The following CARMIL1 variants were observed in gnomAD, a reference collection of about 807,000 sequenced individuals.
CARMIL1 encodes the protein capping protein regulator and myosin 1 linker 1.
A neutral mutation model predicts 177.1 loss-of-function variants in CARMIL1; 90 were observed. That is an observed-to-expected ratio of 0.51 (90% CI 0.43 to 0.61). The LOEUF (loss-of-function observed/expected upper bound fraction) is 0.61. Ranked by LOEUF, CARMIL1 falls within the 20% of genes least tolerant of loss-of-function variation. The probability of loss-of-function intolerance (pLI) is 0.00; values close to 1 mark genes in which losing one functional copy is unlikely to be tolerated. For missense variants in CARMIL1, 1,380 were observed against 1,667.0 expected (o/e 0.83, Z 3.00); for synonymous variants, 577 against 606.2 (o/e 0.95, Z 0.71).
chr6:25,586,631 C>T (rs1220466289), intron 31 of CARMIL1, among the ~76,000 whole-genome samples: 6 of 151,934 alleles, frequency 3.9e-5, no homozygotes, highest in African/African-American at 1.5e-4. Context: ...TGTAGCGAGC[C>T]GAGATCACGC....
chr6:25,536,856 C>T (rs1196598466), intron 24 of CARMIL1, among the ~76,000 whole-genome samples: 2 of 152,138 alleles, frequency 1.3e-5, no homozygotes, highest in Non-Finnish European at 2.9e-5. Context: ...TTGTTTGTCT[C>T]CTCTGCCAAA....
chr6:25,392,645 G>A (rs1792982755), intron 2 of CARMIL1, among the ~76,000 whole-genome samples: 1 of 152,168 alleles, frequency 6.6e-6, no homozygotes, highest in East Asian at 1.9e-4. Flanking sequence ...CATGTGAATG[G>A]ATGTCATGCT....
chr6:25,288,501 A>G (rs1269546435), intron 2 of CARMIL1, among the ~76,000 whole-genome samples: 31 of 124,332 alleles, frequency 2.5e-4, no homozygotes, highest in African/African-American at 9.3e-4. Flanking sequence ...TTTTTTCCGT[A>G]TGGAAAAAAT....
intron 29 of CARMIL1, among the ~76,000 whole-genome samples, chr6:25,578,710 T>C (rs985097785): frequency 3.9e-5 from 6 of 152,206 alleles, no homozygotes; most frequent in African/African-American, 1.4e-4. Flanking sequence ...ACAAATTCTA[T>C]TTTAGCAAAA....
chr6:25,422,769 C>A (rs913644965), intron 3 of CARMIL1, among the ~76,000 whole-genome samples: 1 of 152,068 alleles, frequency 6.6e-6, no homozygotes. Flanking sequence ...AATATGCATA[C>A]CCTAACATGT....
At chr6:25,499,307 T>C (rs1187508092) in intron 16 of CARMIL1, among the ~76,000 whole-genome samples, 2 of 152,252 alleles carry the variant, frequency 1.3e-5, no homozygotes, top group Admixed American at 6.5e-5. Flanking sequence ...GTTGGAGTTA[T>C]TGGCACACAT....
chr6:25,284,940 T>A, intron 2 of CARMIL1, 31 bp downstream of exon 2: 1 of 1,314,396 alleles, frequency 7.6e-7, no homozygotes, highest in Non-Finnish European at 1.1e-6. Flanking sequence ...TTATTAAATG[T>A]TTGGAAATGA....
chr6:25,421,713 C>G (rs1795871971), intron 3 of CARMIL1, among the ~76,000 whole-genome samples: 1 of 150,320 alleles, frequency 6.7e-6, no homozygotes, highest in South Asian at 2.2e-4. Flanking sequence ...AGTTCATGTC[C>G]TTTGTAGGGA....
intron 35 of CARMIL1, 23 bp downstream of exon 35, chr6:25,606,296 G>A: frequency 1.2e-6 from 2 of 1,605,036 alleles, no homozygotes; most frequent in South Asian, 1.1e-5. Context: ...CAGTTAGGGA[G>A]TTGCATTGTG....
chr6:25,457,787 G>A (rs998173954), intron 8 of CARMIL1, among the ~76,000 whole-genome samples: 10 of 152,166 alleles, frequency 6.6e-5, no homozygotes, highest in East Asian at 1.9e-4. Context: ...ATTTGTGAGA[G>A]GGAAATCTTC....
chr6:25,297,161 A>G (rs1020730504), intron 2 of CARMIL1, among the ~76,000 whole-genome samples: 29 of 152,200 alleles, frequency 1.9e-4, no homozygotes, highest in African/African-American at 7.0e-4. Context: ...GGACAGCACA[A>G]ATGTTGAAGT....
At chr6:25,350,837 A>G (rs949216826) in intron 2 of CARMIL1, 1 of 152,210 alleles carries the variant, frequency 6.6e-6, no homozygotes, top group African/African-American at 2.4e-5. Context: ...AATGATAGAC[A>G]GATATTAGCT....
At chr6:25,618,019 C>T (rs1424688733) in intron 36 of CARMIL1, among the ~76,000 whole-genome samples, 3 of 152,120 alleles carry the variant, frequency 2.0e-5, no homozygotes, top group African/African-American at 4.8e-5. Flanking sequence ...TAAGAAATTA[C>T]GTACTTTTAT....
intron 2 of CARMIL1, among the ~76,000 whole-genome samples, chr6:25,339,586 G>T (rs1355976679): frequency 6.6e-6 from 1 of 152,200 alleles, no homozygotes; most frequent in African/African-American, 2.4e-5. Context: ...TCTCCCAGCA[G>T]TGTGGCCTTA....
At chr6:25,597,713 G>A (rs113836103) in intron 32 of CARMIL1, among the ~76,000 whole-genome samples, 1 of 152,006 alleles carries the variant, frequency 6.6e-6, no homozygotes, top group Non-Finnish European at 1.5e-5. Flanking sequence ...CCTCGTCTCT[G>A]TGTCATTTTT....
chr6:25,394,250 G>A (rs1252400405), intron 2 of CARMIL1, among the ~76,000 whole-genome samples: 1 of 152,178 alleles, frequency 6.6e-6, no homozygotes, highest in Non-Finnish European at 1.5e-5. Context: ...TGATAGTGAT[G>A]GTTATGATGA....
intron 32 of CARMIL1, among the ~76,000 whole-genome samples, chr6:25,598,371 T>G (rs1386375209): frequency 6.6e-6 from 1 of 152,042 alleles, no homozygotes; most frequent in African/African-American, 2.4e-5. Context: ...CTTGATTAGC[T>G]GGGACTACAG....
intron 2 of CARMIL1, among the ~76,000 whole-genome samples, chr6:25,305,271 G>T (rs931895182): frequency 2.6e-5 from 4 of 152,170 alleles, no homozygotes; most frequent in Non-Finnish European, 4.4e-5. Flanking sequence ...AGTTAATAGT[G>T]TGGGGCTGAA....
chr6:25,517,981 G>A (rs1806179480), intron 22 of CARMIL1, among the ~76,000 whole-genome samples: 1 of 152,180 alleles, frequency 6.6e-6, no homozygotes, highest in Non-Finnish European at 1.5e-5. Context: ...AGACATAGTT[G>A]AAAGTAATAC....
Sources: allele counts gnomAD v4.1 joint callset (sites outside exome capture counted in the v4.1 genomes callset), GRCh38; gene constraint gnomAD v4.1.1; transcripts MANE v1.5; gene names NCBI Gene and HGNC (gene_info 2026-07-23, HGNC 2026-07-21).